Variants in PCDH15 observed in about 807,000 individuals in gnomAD.
PCDH15 encodes protocadherin related 15, also known as protocadherin-15.
Under a neutral mutation model 178.5 loss-of-function variants are expected in PCDH15, and 129 were observed. That is an observed-to-expected ratio of 0.72 (90% CI 0.63 to 0.84). PCDH15 has a LOEUF of 0.84. Among genes scored for constraint, PCDH15 ranks in the 40% least tolerant of loss-of-function variants. PCDH15 has a pLI of 0.00. For synonymous variants in PCDH15, 800 were observed against 732.0 expected (o/e 1.09, Z -1.50); for missense variants, 2,230 against 2,099.9 (o/e 1.06, Z -1.21).
At chr10:55,551,644 T>C (rs1223366899) in intron 2 of PCDH15, among the ~76,000 whole-genome samples, 1 of 151,768 alleles carries the variant, frequency 6.6e-6, no homozygotes, top group African/African-American at 2.4e-5. Context: ...GTGGATATAA[T>C]AAAAGGATAT....
chr10:55,003,900 GA>G (rs201596598), intron 2 of PCDH15, among the ~76,000 whole-genome samples: 2,531 of 152,306 alleles, frequency 0.017, 71 homozygotes, highest in African/African-American at 0.057. Context: ...GGGGCCTGGA[GA>G]AAAAGGGGTT....
intron 2 of PCDH15, among the ~76,000 whole-genome samples, chr10:55,009,070 A>C (rs887247601): frequency 6.6e-5 from 10 of 151,976 alleles, no homozygotes; most frequent in Non-Finnish European, 1.3e-4. Flanking sequence ...TAATATGTAC[A>C]CAAACACCCA....
At chr10:54,343,414 G>A (rs1318722379) in intron 6 of PCDH15, among the ~76,000 whole-genome samples, 1 of 151,872 alleles carries the variant, frequency 6.6e-6, no homozygotes, top group East Asian at 1.9e-4. Flanking sequence ...AGTTTCCTGA[G>A]GCCTTCCCAG....
intron 2 of PCDH15, among the ~76,000 whole-genome samples, chr10:55,099,978 C>G (rs1411351067): frequency 6.6e-6 from 1 of 152,026 alleles, no homozygotes; most frequent in Non-Finnish European, 1.5e-5. Context: ...TTTACAAACT[C>G]CTAAGCAGTG....
chr10:54,961,923 T>C (rs1281370873), intron 2 of PCDH15, among the ~76,000 whole-genome samples: 1 of 152,180 alleles, frequency 6.6e-6, no homozygotes, highest in African/African-American at 2.4e-5. Context: ...AGATATGAGT[T>C]GCCCACTTTG....
At chr10:55,556,570 C>T (rs1842094958) in intron 2 of PCDH15, among the ~76,000 whole-genome samples, 1 of 152,080 alleles carries the variant, frequency 6.6e-6, no homozygotes, top group South Asian at 2.1e-4. Context: ...GTGGCTCACA[C>T]CTGTAATCCC....
intron 1 of PCDH15, among the ~76,000 whole-genome samples, chr10:54,773,044 G>T (rs1213378760): frequency 6.6e-6 from 1 of 150,858 alleles, no homozygotes; most frequent in Non-Finnish European, 1.5e-5. Context: ...AGTGGGAGCT[G>T]AATTATGAGA....
intron 15 of PCDH15, among the ~76,000 whole-genome samples, chr10:54,117,666 A>G (rs1000152867): frequency 1.3e-5 from 2 of 152,076 alleles, no homozygotes; most frequent in African/African-American, 4.8e-5. Flanking sequence ...AGGAGACCCA[A>G]AGTGTGTAGC....
At position 54,815,011 on chromosome 10, in the gene PCDH15, C is replaced by T. The variant is rs528613181; in HGVS notation, c.-29+82439G>A. Among the ~76,000 whole-genome samples, 5 of 152,140 alleles carry T rather than the reference C, an allele frequency of 3.3e-5. No individual in the cohort carries two copies. The South Asian group carries it at 1.0e-3, about 32-fold the overall frequency. On this transcript the variant is annotated intron_variant, in intron 3 of 5. Coordinates refer to the PCDH15 transcript ENST00000458638. Reference sequence around the variant, plus strand: ...TTTGTCACCCAAATCTAGTCAAATGCCCCTCTTCTGCACCAGGAGCACCAA... The same window carrying T: ...TTTGTCACCCAAATCTAGTCAAATGTCCCTCTTCTGCACCAGGAGCACCAA...
intron 2 of PCDH15, among the ~76,000 whole-genome samples, chr10:54,945,484 ATGT>A (rs1416224663): frequency 2.6e-5 from 4 of 151,114 alleles, no homozygotes; most frequent in African/African-American, 9.7e-5. Flanking sequence ...TGTTTTTTTG[ATGT>A]TGTGATTCAG....
intron 15 of PCDH15, among the ~76,000 whole-genome samples, chr10:54,093,992 C>T (rs2094648928): frequency 1.3e-5 from 2 of 152,090 alleles, no homozygotes; most frequent in South Asian, 4.1e-4. Context: ...TTCTTCAAAG[C>T]CTGAGAAAAG....
chr10:54,402,283 C>G (rs530007006), intron 3 of PCDH15, among the ~76,000 whole-genome samples: 3 of 151,762 alleles, frequency 2.0e-5, no homozygotes, highest in Non-Finnish European at 4.4e-5. Context: ...TTAAAGCTGA[C>G]GGGAAGAAGA....
At chr10:54,171,387 G>A (rs2046887953) in intron 13 of PCDH15, among the ~76,000 whole-genome samples, 1 of 152,110 alleles carries the variant, frequency 6.6e-6, no homozygotes, top group Non-Finnish European at 1.5e-5. Flanking sequence ...GAATGCTACA[G>A]GGGTACAGCC....
At chr10:54,225,576 T>A (rs562269110) in intron 9 of PCDH15, among the ~76,000 whole-genome samples, 1 of 152,190 alleles carries the variant, frequency 6.6e-6, no homozygotes, top group Non-Finnish European at 1.5e-5. Context: ...CATTCCCTTA[T>A]AATCACTGAA....
At chr10:54,847,313 T>A (rs1444132793) in intron 3 of PCDH15, among the ~76,000 whole-genome samples, 1 of 152,216 alleles carries the variant, frequency 6.6e-6, no homozygotes, top group African/African-American at 2.4e-5. Flanking sequence ...GTATCGCATT[T>A]TAGAATGTTA....
chr10:54,430,517 A>G (rs1956839900), intron 3 of PCDH15, among the ~76,000 whole-genome samples: 1 of 152,180 alleles, frequency 6.6e-6, no homozygotes, highest in South Asian at 2.1e-4. Flanking sequence ...TAATTTTGGA[A>G]ATTTAAAATA....
At chr10:55,582,628 A>ATATATATATATATATATATTTTT (rs780312007) in intron 2 of PCDH15, among the ~76,000 whole-genome samples, 1 of 69,042 alleles carries the variant, frequency 1.4e-5, no homozygotes, top group African/African-American at 6.6e-5. Flanking sequence ...ATATATATAT[A>ATATATATATATATATATATTTTT]TTTTTTTTTT....
chr10:54,919,448 A>G (rs1837427420), intron 2 of PCDH15, among the ~76,000 whole-genome samples: 1 of 152,196 alleles, frequency 6.6e-6, no homozygotes, highest in Non-Finnish European at 1.5e-5. Flanking sequence ...GTTCTTTAGG[A>G]ACAATTTCAA....
At chr10:54,622,627 A>T (rs924638672) in intron 2 of PCDH15, among the ~76,000 whole-genome samples, 22 of 42,052 alleles carry the variant, frequency 5.2e-4, no homozygotes, top group East Asian at 1.4e-3. Context: ...TAATATATAT[A>T]ATATATATTA....
Sources: gnomAD v4.1 joint callset for allele counts (sites outside exome capture counted in the v4.1 genomes callset) on GRCh38, gnomAD v4.1.1 for gene constraint, MANE v1.5 for transcripts, NCBI Gene and HGNC (gene_info 2026-07-23, HGNC 2026-07-21) for gene names.